The following P3H2 variants were observed in gnomAD, a reference collection of about 807,000 sequenced individuals.
The protein encoded by P3H2 is leprecan-like 1.
Under a neutral mutation model 87.0 loss-of-function variants are expected in P3H2, and 80 were observed. The ratio of observed to expected loss-of-function variants is 0.92; its 90% CI spans 0.77 to 1.11. The LOEUF is 1.11. Among genes scored for constraint, P3H2 ranks in the 50% least tolerant of loss-of-function variants. P3H2 has a pLI of 0.00. For synonymous variants in P3H2, 367 were observed against 359.3 expected (o/e 1.02, Z -0.24); for missense variants, 1,001 against 923.9 (o/e 1.08, Z -1.08).
intron 8 of P3H2, among the ~76,000 whole-genome samples, chr3:189,975,319 C>A (rs1181055754): frequency 6.6e-6 from 1 of 152,148 alleles, no homozygotes; most frequent in Non-Finnish European, 1.5e-5. Flanking sequence ...AGAGAGACCA[C>A]AAGTTTATAA....
intron 3 of P3H2, among the ~76,000 whole-genome samples, chr3:189,992,617 T>G (rs1396929325): frequency 6.6e-6 from 1 of 152,198 alleles, no homozygotes; most frequent in African/African-American, 2.4e-5. Flanking sequence ...GATTCTAGAT[T>G]CAGAAAAGTC....
At chr3:189,961,767 T>C (rs73890122) in intron 14 of P3H2, among the ~76,000 whole-genome samples, 1,690 of 152,316 alleles carry the variant, frequency 0.011, 32 homozygotes, top group African/African-American at 0.039. Context: ...GGTTTTCTAG[T>C]ACTTTTCCAT....
chr3:189,963,530 C>T (rs939660534), intron 14 of P3H2: 3 of 196,572 alleles, frequency 1.5e-5, no homozygotes, highest in South Asian at 1.0e-4. Context: ...CTGCAATTTA[C>T]GCCTCCCAGG....
intron 1 of P3H2, among the ~76,000 whole-genome samples, chr3:190,057,172 T>C (rs1472967782): frequency 6.6e-6 from 1 of 152,154 alleles, no homozygotes; most frequent in Non-Finnish European, 1.5e-5. Context: ...TCCTGCTTCT[T>C]TTTACATAAT....
intron 1 of P3H2, among the ~76,000 whole-genome samples, chr3:190,093,890 T>G (rs979411863): frequency 6.6e-6 from 1 of 152,228 alleles, no homozygotes; most frequent in Non-Finnish European, 1.5e-5. Context: ...TAAGTTTAAA[T>G]GGCTCACTGA....
intron 1 of P3H2, among the ~76,000 whole-genome samples, chr3:190,025,739 T>C (rs1314630389): frequency 1.3e-5 from 2 of 152,222 alleles, no homozygotes; most frequent in East Asian, 1.9e-4. Flanking sequence ...TTTTTGGAGC[T>C]GATTCATTTA....
At chr3:190,026,070 TTC>T (rs1725077101) in intron 1 of P3H2, among the ~76,000 whole-genome samples, 1 of 151,892 alleles carries the variant, frequency 6.6e-6, no homozygotes, top group Admixed American at 6.6e-5. Context: ...TCTGGGGAGG[TTC>T]TGTTAGTCAG....
At position 190,088,878 on chromosome 3, in the gene P3H2, C is replaced by T. The variant is rs528330299; in HGVS notation, c.480+31374G>A. On this transcript the variant is annotated intron_variant, in intron 1 of 14. Transcript: ENST00000319332. ...TTCATAAATGACCAAACTCCCTCTACCTTTGGAATATAGCGTGTTCGACCC... is the reference window on the plus strand; with the variant it reads ...TTCATAAATGACCAAACTCCCTCTATCTTTGGAATATAGCGTGTTCGACCC... Among the ~76,000 whole-genome samples the T allele has an allele frequency of 2.2e-4, 34 of 152,298 alleles. No individual in the cohort carries two copies. In the South Asian group the frequency reaches 2.9e-3, roughly 13 times the overall value.
intron 1 of P3H2, among the ~76,000 whole-genome samples, chr3:190,041,438 A>C (rs781425473): frequency 7.2e-5 from 11 of 152,110 alleles, no homozygotes; most frequent in Non-Finnish European, 1.6e-4. Flanking sequence ...CAAAATGTTT[A>C]AATTCTTAGT....
chr3:190,074,865 C>G (rs1726817213), intron 1 of P3H2, among the ~76,000 whole-genome samples: 2 of 152,138 alleles, frequency 1.3e-5, no homozygotes, highest in Non-Finnish European at 2.9e-5. Flanking sequence ...AGAAAATATA[C>G]ACAGATAATC....
chr3:190,055,223 C>T (rs1226377009), intron 1 of P3H2, among the ~76,000 whole-genome samples: 3 of 152,118 alleles, frequency 2.0e-5, no homozygotes, highest in Non-Finnish European at 4.4e-5. Context: ...ACAAGCTGTG[C>T]GTAACATAGG....
intron 1 of P3H2, among the ~76,000 whole-genome samples, chr3:190,014,477 T>A (rs915905170): frequency 3.9e-5 from 6 of 152,166 alleles, no homozygotes; most frequent in African/African-American, 1.2e-4. Context: ...GGTAAAGCAA[T>A]CGTAACTGAT....
intron 1 of P3H2, among the ~76,000 whole-genome samples, chr3:190,093,988 AAAAAGTGGTGCTATGTAGCT>A (rs11270299): frequency 0.031 from 4,390 of 140,984 alleles, 97 homozygotes; most frequent in African/African-American, 0.062. Flanking sequence ...CCCAAGAATA[AAAAAGTGGTGCTATGTAGCT>A]AGCATGAACT....
At position 189,973,128 on chromosome 3, in the gene P3H2, T is replaced by C. The variant is rs567611097; in HGVS notation, c.1549-104A>G. The C allele has an allele frequency of 5.0e-6, 5 of 995,360 alleles. No individual in the cohort carries two copies. In the East Asian group the frequency reaches 1.3e-4, roughly 26 times the overall value. The allele number at this position is 995,360 out of a possible 1,614,324, so 61.7% of individuals were successfully genotyped here. ...AGCCAATATAGGATTGTCATGTCTG[T>C]ATTGACTAATGGGGAAGGCTACTAC... On this transcript the variant is annotated intron_variant, in intron 10 of 14. Coordinates refer to ENST00000319332, the MANE Select transcript of P3H2 (RefSeq NM_018192.4).
At chr3:190,064,169 T>A (rs948199961) in intron 1 of P3H2, among the ~76,000 whole-genome samples, 18 of 150,772 alleles carry the variant, frequency 1.2e-4, no homozygotes, top group African/African-American at 4.1e-4. Flanking sequence ...TTTTTTTTTT[T>A]AATTTTTAGT....
chr3:190,043,170 C>A (rs1307620982), intron 1 of P3H2, among the ~76,000 whole-genome samples: 1 of 151,960 alleles, frequency 6.6e-6, no homozygotes, highest in African/African-American at 2.4e-5. Flanking sequence ...TTCATGTGCA[C>A]ATGCTCAGAT....
At chr3:190,043,155 G>GTGTA (rs35524045) in intron 1 of P3H2, among the ~76,000 whole-genome samples, 4,120 of 152,068 alleles carry the variant, frequency 0.027, 188 homozygotes, top group African/African-American at 0.095. Context: ...GCGTCTGTGT[G>GTGTA]TGTGTTCATG....
intron 1 of P3H2, among the ~76,000 whole-genome samples, chr3:190,013,192 C>G (rs180894159): frequency 7.6e-4 from 115 of 152,234 alleles, no homozygotes; most frequent in South Asian, 2.7e-3. Context: ...ATTGGGAGGG[C>G]TACACAGTAA....
At position 189,956,787 on chromosome 3, in the gene P3H2, TAGC is replaced by T; in HGVS notation, c.*1122_*1124del. On this transcript the variant is annotated 3_prime_UTR_variant, in exon 15 of 15. Transcript: ENST00000319332. ...CACAAGCACAAATCTGTGTGCTGGA[TAGC>T]AGCAATGAGGAGGGGCCCCCAAAAT... is the stretch of plus-strand genomic sequence containing the variant. The T allele has an allele frequency of 4.3e-6, 1 of 231,744 alleles. No individual in the cohort carries two copies. The highest frequency in any genetic ancestry group is 5.7e-5 in the Admixed American group (1 of 17,690). The allele number at this position is 231,744 out of a possible 1,614,324, so 14.4% of individuals were successfully genotyped here.
Sources: gnomAD v4.1 joint callset for allele counts (sites outside exome capture counted in the v4.1 genomes callset) on GRCh38, gnomAD v4.1.1 for gene constraint, MANE v1.5 for transcripts, NCBI Gene and HGNC (gene_info 2026-07-23, HGNC 2026-07-21) for gene names.